The following KCNIP4 variants were observed in gnomAD, a reference collection of about 807,000 sequenced individuals.
KCNIP4 encodes potassium voltage-gated channel interacting protein 4, also known as Kv channel-interacting protein 4.
In KCNIP4, 12 loss-of-function variants were observed where a neutral mutation model predicts 34.0. The observed-to-expected ratio is 0.35, with a 90% CI of 0.23 to 0.57. The LOEUF (loss-of-function observed/expected upper bound fraction) is 0.57, where lower values mean the gene tolerates loss of function less well. Among genes scored for constraint, KCNIP4 ranks in the 20% least tolerant of loss-of-function variants. KCNIP4 has a pLI of 0.83. For synonymous variants in KCNIP4, 124 were observed against 102.2 expected, an observed-to-expected ratio of 1.21 and a Z score of -1.29; for missense variants, 238 against 311.7, an observed-to-expected ratio of 0.76 and a Z score of 1.78.
At chr4:21,046,078 C>A (rs1472220988) in intron 1 of KCNIP4, among the ~76,000 whole-genome samples, 2 of 152,128 alleles carry the variant, frequency 1.3e-5, no homozygotes, top group African/African-American at 4.8e-5. Context: ...ATTGGGATTA[C>A]CTGTGCTGAC....
chr4:21,196,254 C>T (rs1756049812), intron 1 of KCNIP4, among the ~76,000 whole-genome samples: 1 of 152,140 alleles, frequency 6.6e-6, no homozygotes, highest in South Asian at 2.1e-4. Flanking sequence ...TTTAATAGAA[C>T]ACATGTTTTC....
intron 1 of KCNIP4, among the ~76,000 whole-genome samples, chr4:21,602,734 C>T (rs752653079): frequency 2.0e-5 from 3 of 151,982 alleles, no homozygotes; most frequent in Admixed American, 6.6e-5. Context: ...TTTTGATTTA[C>T]GTATGCCTGT....
chr4:21,828,766 T>C (rs1449896239), intron 1 of KCNIP4, among the ~76,000 whole-genome samples: 1 of 152,006 alleles, frequency 6.6e-6, no homozygotes. Flanking sequence ...TTCAATTTTA[T>C]TGTTGAAAAC....
chr4:21,887,534 A>C (rs1489725116), intron 1 of KCNIP4, among the ~76,000 whole-genome samples: 3 of 152,114 alleles, frequency 2.0e-5, no homozygotes, highest in Non-Finnish European at 4.4e-5. Flanking sequence ...ACCTGGGGAC[A>C]GGATGCTCCA....
chr4:20,917,093 G>A (rs1232357984), intron 1 of KCNIP4, among the ~76,000 whole-genome samples: 7 of 142,062 alleles, frequency 4.9e-5, no homozygotes, highest in African/African-American at 1.6e-4. Flanking sequence ...GCTGGAGTGC[G>A]GTGGCACAAT....
chr4:21,238,323 A>G (rs1166705060), intron 1 of KCNIP4, among the ~76,000 whole-genome samples: 1 of 152,182 alleles, frequency 6.6e-6, no homozygotes, highest in African/African-American at 2.4e-5. Flanking sequence ...CTGGCACAAG[A>G]CAGGGATGCC....
At chr4:21,120,954 CA>C (rs1162302396) in intron 1 of KCNIP4, among the ~76,000 whole-genome samples, 1 of 152,176 alleles carries the variant, frequency 6.6e-6, no homozygotes, top group African/African-American at 2.4e-5. Flanking sequence ...TCTGGGGAGG[CA>C]CAATTCAGCC....
rs181610829 is a variant in KCNIP4, at chr4:21,340,609, C to T, written c.62-457900G>A. 1.7e-3 allele frequency among the ~76,000 whole-genome samples: 256 copies of T among 151,866 alleles called. 1 individual carries two copies. The highest frequency in any genetic ancestry group is 2.9e-3 in the Non-Finnish European group (198 of 67,942). ...TCTAAGGGCATCTAAAGGGCATAAA[C>T]ATTTCAGAATTCTGTCTGTAATCAC... is the stretch of plus-strand genomic sequence containing the variant. On this transcript the variant is annotated intron_variant, in intron 1 of 8. Transcript: ENST00000382152.
chr4:20,902,905 G>A (rs1491357), intron 1 of KCNIP4, among the ~76,000 whole-genome samples: 126,814 of 152,256 alleles, frequency 0.83, 52,923 homozygotes, highest in East Asian at 0.85. Context: ...GTGAAGATCC[G>A]ACTTTTGTTC....
chr4:21,530,801 C>T (rs1736610074), intron 1 of KCNIP4, among the ~76,000 whole-genome samples: 1 of 151,996 alleles, frequency 6.6e-6, no homozygotes, highest in African/African-American at 2.4e-5. Context: ...GGACCAAGTC[C>T]TGGCTTTCTC....
intron 1 of KCNIP4, among the ~76,000 whole-genome samples, chr4:21,278,980 G>C (rs1487979833): frequency 6.6e-6 from 1 of 152,162 alleles, no homozygotes; most frequent in African/African-American, 2.4e-5. Context: ...TTGGTGATAA[G>C]GGAGAATGTG....
chr4:21,599,419 C>G (rs1018273297), intron 1 of KCNIP4, among the ~76,000 whole-genome samples: 1 of 151,498 alleles, frequency 6.6e-6, no homozygotes, highest in Non-Finnish European at 1.5e-5. Context: ...TCGAAGTTCA[C>G]AACTTTCCCC....
chr4:21,318,872 A>C (rs1347302320), intron 1 of KCNIP4, among the ~76,000 whole-genome samples: 1 of 152,086 alleles, frequency 6.6e-6, no homozygotes, highest in Non-Finnish European at 1.5e-5. Context: ...TCAATGAGAA[A>C]TTATTTGAAA....
intron 1 of KCNIP4, among the ~76,000 whole-genome samples, chr4:21,220,664 A>T (rs1757926491): frequency 6.6e-6 from 1 of 152,172 alleles, no homozygotes; most frequent in African/African-American, 2.4e-5. Flanking sequence ...GGCTGAGCCT[A>T]GAATTCCCAG....
At chr4:21,397,292 T>C (rs1370484066) in intron 1 of KCNIP4, among the ~76,000 whole-genome samples, 1 of 152,202 alleles carries the variant, frequency 6.6e-6, no homozygotes. Flanking sequence ...AAACACTCCA[T>C]TGATGTTTCA....
intron 1 of KCNIP4, among the ~76,000 whole-genome samples, chr4:21,678,967 G>C (rs1750128451): frequency 2.6e-5 from 4 of 152,088 alleles, no homozygotes; most frequent in Non-Finnish European, 5.9e-5. Flanking sequence ...TATAAGAAGA[G>C]AAAATTTAGG....
At chr4:20,739,277 G>A (rs1053004159) in intron 5 of KCNIP4, among the ~76,000 whole-genome samples, 1 of 152,216 alleles carries the variant, frequency 6.6e-6, no homozygotes, top group Admixed American at 6.5e-5. Context: ...CAGACAGACT[G>A]CCTCCTCAAG....
intron 1 of KCNIP4, among the ~76,000 whole-genome samples, chr4:21,237,557 A>G (rs111744357): frequency 0.22 from 32,772 of 152,024 alleles, 6,023 homozygotes; most frequent in African/African-American, 0.5. Context: ...TATCACCACC[A>G]ACCCCACAGA....
chr4:21,096,539 T>C (rs1747472596), intron 1 of KCNIP4, among the ~76,000 whole-genome samples: 1 of 152,102 alleles, frequency 6.6e-6, no homozygotes, highest in African/African-American at 2.4e-5. Context: ...ATCTCCTCAT[T>C]TGAACATCAA....
Sources: allele counts gnomAD v4.1 joint callset (sites outside exome capture counted in the v4.1 genomes callset), GRCh38; gene constraint gnomAD v4.1.1; transcripts MANE v1.5; gene names NCBI Gene and HGNC (gene_info 2026-07-23, HGNC 2026-07-21).